Variants in PPM1L observed in about 807,000 individuals in gnomAD.
The protein encoded by PPM1L is protein phosphatase 1L.
PPM1L carries 13 observed loss-of-function variants against 31.4 expected under a neutral mutation model. The observed-to-expected ratio is 0.41, with a 90% confidence interval of 0.27 to 0.66. The LOEUF is 0.66. Ranked by LOEUF, PPM1L falls within the 30% of genes least tolerant of loss-of-function variation. The pLI, the probability that PPM1L is intolerant of heterozygous loss-of-function variation, is 0.29. For synonymous variants in PPM1L, 184 were observed against 175.4 expected (o/e 1.05, Z -0.39); for missense variants, 326 against 453.7 (o/e 0.72, Z 2.56).
chr3:161,015,689 G>A (rs529698465), intron 2 of PPM1L, among the ~76,000 whole-genome samples: 2 of 152,226 alleles, frequency 1.3e-5, no homozygotes, highest in East Asian at 1.9e-4. Context: ...CTTGATTTGC[G>A]TTATTTCTTT....
chr3:160,965,031 C>T lies in PPM1L; in HGVS notation c.574+3121C>T, dbSNP rs112833956. On this transcript the variant is annotated intron_variant, in intron 2 of 3. Transcript: ENST00000498165. Reference sequence around the variant, plus strand: ...CTTTGGGAGGCCGAGGTGGGCGGATCATGAGGTCAGGAGATGGAGACCATA... The same window carrying T: ...CTTTGGGAGGCCGAGGTGGGCGGATTATGAGGTCAGGAGATGGAGACCATA... Among the ~76,000 whole-genome samples the T allele has an allele frequency of 1.8e-3, 267 of 152,012 alleles. 5 individuals carry two copies. Among genetic ancestry groups the T allele is most frequent in the Middle Eastern group, 3.4e-3 (1 of 292 alleles).
intron 1 of PPM1L, among the ~76,000 whole-genome samples, chr3:160,793,675 A>T (rs1189926881): frequency 6.6e-6 from 1 of 152,218 alleles, no homozygotes; most frequent in Non-Finnish European, 1.5e-5. Flanking sequence ...GATATGAACA[A>T]AAGTTCTCTG....
chr3:160,774,182 G>T (rs1004246701), intron 1 of PPM1L, among the ~76,000 whole-genome samples: 1 of 151,966 alleles, frequency 6.6e-6, no homozygotes, highest in Non-Finnish European at 1.5e-5. Flanking sequence ...TCTTCTCATG[G>T]TCGTGCCTTT....
chr3:161,062,715 G>A (rs1213961177), intron 2 of PPM1L, among the ~76,000 whole-genome samples: 1 of 152,204 alleles, frequency 6.6e-6, no homozygotes, highest in Non-Finnish European at 1.5e-5. Flanking sequence ...TTGCGTGGCA[G>A]CTGACTTGTT....
intron 2 of PPM1L, among the ~76,000 whole-genome samples, chr3:161,013,002 T>G (rs551323770): frequency 6.6e-6 from 1 of 152,294 alleles, no homozygotes; most frequent in Non-Finnish European, 1.5e-5. Context: ...AAGGGTTTTT[T>G]GTTTCTCTAT....
At chr3:160,963,621 C>T (rs1485611088) in intron 2 of PPM1L, among the ~76,000 whole-genome samples, 1 of 151,872 alleles carries the variant, frequency 6.6e-6, no homozygotes, top group African/African-American at 2.4e-5. Context: ...TATTTTAAAC[C>T]TTGAAGGACA....
chr3:161,028,219 TATTG>T (rs1464565614), intron 2 of PPM1L, among the ~76,000 whole-genome samples: 7 of 152,182 alleles, frequency 4.6e-5, no homozygotes, highest in Non-Finnish European at 8.8e-5. Flanking sequence ...TTTGGATAAA[TATTG>T]ATGACATTCT....
chr3:160,847,297 GAGA>G (rs1714107515), intron 1 of PPM1L, among the ~76,000 whole-genome samples: 2 of 152,064 alleles, frequency 1.3e-5, no homozygotes, highest in Admixed American at 1.3e-4. Context: ...AAAAAATTTA[GAGA>G]AGAACCAATA....
intron 1 of PPM1L, among the ~76,000 whole-genome samples, chr3:160,829,825 A>AT (rs1713466384): frequency 6.6e-6 from 1 of 152,100 alleles, no homozygotes; most frequent in Admixed American, 6.6e-5. Flanking sequence ...GAATACACAG[A>AT]TATTTTCCAG....
chr3:160,861,866 A>C (rs1576676041), intron 1 of PPM1L, among the ~76,000 whole-genome samples: 1 of 152,250 alleles, frequency 6.6e-6, no homozygotes, highest in East Asian at 1.9e-4. Flanking sequence ...ACCTTCTAGC[A>C]ATGGCATCAG....
At chr3:160,762,160 CATT>C (rs1195113773) in intron 1 of PPM1L, among the ~76,000 whole-genome samples, 10 of 152,180 alleles carry the variant, frequency 6.6e-5, no homozygotes, top group Admixed American at 5.9e-4. Context: ...GCTTTTCAGA[CATT>C]ATAGCTACTG....
intron 2 of PPM1L, among the ~76,000 whole-genome samples, chr3:161,033,942 A>G (rs533671123): frequency 1.7e-4 from 26 of 152,240 alleles, no homozygotes; most frequent in Non-Finnish European, 3.4e-4. Context: ...CAATCTGTCC[A>G]TCTGACAAAG....
chr3:160,803,431 A>G (rs991270032), intron 1 of PPM1L, among the ~76,000 whole-genome samples: 1 of 146,164 alleles, frequency 6.8e-6, no homozygotes, highest in African/African-American at 2.6e-5. Context: ...ATGGTATGTC[A>G]GACAAGTTTA....
At chr3:160,843,466 A>ATATATG (rs1713969103) in intron 1 of PPM1L, among the ~76,000 whole-genome samples, 3 of 112,014 alleles carry the variant, frequency 2.7e-5, no homozygotes, top group South Asian at 5.8e-4. Flanking sequence ...ATATATATAT[A>ATATATG]TATGTTTTTT....
rs1719061696 is a variant in PPM1L at position 161,046,197 on chromosome 3, C to G, written c.575-19206C>G. On this transcript the variant is annotated intron_variant, in intron 2 of 3. Transcript: ENST00000498165. ...CAAAATTGATAGACCGCTAGCAAGACTAATAAAGAAGAAAAGAGAGAAGAA... is the reference window on the plus strand; with the variant it reads ...CAAAATTGATAGACCGCTAGCAAGAGTAATAAAGAAGAAAAGAGAGAAGAA... 3.4e-5 allele frequency among the ~76,000 whole-genome samples: 5 copies of G among 147,406 alleles called. No individual in the cohort carries two copies. In the South Asian group the frequency reaches 1.1e-3, roughly 32 times the overall value.
In PPM1L at chr3:161,046,625, A is replaced by G. The variant is rs559716473; in HGVS notation, c.575-18778A>G. Among the ~76,000 whole-genome samples, 28 of 152,324 alleles carry G rather than the reference A, an allele frequency of 1.8e-4. No individual in the cohort carries two copies. The East Asian group carries it at 2.5e-3, about 14-fold the overall frequency. On this transcript the variant is annotated intron_variant, in intron 2 of 3. Transcript: ENST00000498165. ...TCATCCTGATACCAAAGCCGGGCAG[A>G]GACACAACCAAAAAAGAGAATTTTA...
intron 2 of PPM1L, among the ~76,000 whole-genome samples, chr3:160,973,027 TA>T (rs948864567): frequency 3.3e-5 from 5 of 152,200 alleles, no homozygotes; most frequent in South Asian, 4.1e-4. Flanking sequence ...GAAGGTATTT[TA>T]AAAAATCACA....
At chr3:161,003,597 T>A (rs910546119) in intron 2 of PPM1L, among the ~76,000 whole-genome samples, 12 of 152,032 alleles carry the variant, frequency 7.9e-5, no homozygotes, top group African/African-American at 1.2e-4. Context: ...TTCTCTTTGA[T>A]GCAATTGTGA....
At chr3:160,771,798 A>G (rs1180129117) in intron 1 of PPM1L, among the ~76,000 whole-genome samples, 2 of 151,826 alleles carry the variant, frequency 1.3e-5, no homozygotes, top group African/African-American at 2.4e-5. Context: ...CCAGATGGGA[A>G]TATAGAGATG....
Sources: allele counts gnomAD v4.1 joint callset (sites outside exome capture counted in the v4.1 genomes callset), GRCh38; gene constraint gnomAD v4.1.1; transcripts MANE v1.5; gene names NCBI Gene and HGNC (gene_info 2026-07-23, HGNC 2026-07-21).